The following PCDH9 variants were observed in gnomAD, a reference collection of about 807,000 sequenced individuals.
PCDH9 encodes the protein protocadherin 9, also known as protocadherin-9.
In PCDH9, 24 loss-of-function variants were observed where a neutral mutation model predicts 70.6. That is an observed-to-expected ratio of 0.34 (90% confidence interval 0.25 to 0.48). PCDH9 has a LOEUF of 0.48. Among genes scored for constraint, PCDH9 ranks in the 20% least tolerant of loss-of-function variants. The pLI, the probability that PCDH9 is intolerant of heterozygous loss-of-function variation, is 0.99. For synonymous variants in PCDH9, 562 were observed against 558.5 expected (o/e 1.01, Z -0.09); for missense variants, 1,281 against 1,503.6 (o/e 0.85, Z 2.45).
chr13:66,922,808 A>G (rs957163152), intron 2 of PCDH9, among the ~76,000 whole-genome samples: 10 of 151,496 alleles, frequency 6.6e-5, no homozygotes, highest in African/African-American at 2.2e-4. Flanking sequence ...AGAGCCAACC[A>G]CAACTTGTAT....
At chr13:66,508,416 T>C (rs1410312979) in intron 4 of PCDH9, among the ~76,000 whole-genome samples, 1 of 152,224 alleles carries the variant, frequency 6.6e-6, no homozygotes, top group Non-Finnish European at 1.5e-5. Flanking sequence ...GTTATGTGGA[T>C]TTCACTTCAA....
At chr13:66,560,968 T>A (rs1961986456) in intron 4 of PCDH9, among the ~76,000 whole-genome samples, 2 of 152,230 alleles carry the variant, frequency 1.3e-5, no homozygotes, top group South Asian at 4.1e-4. Flanking sequence ...TTGGTGGCAC[T>A]TGAGGAGCCC....
chr13:67,088,739 G>C (rs2086158918), intron 2 of PCDH9, among the ~76,000 whole-genome samples: 1 of 152,138 alleles, frequency 6.6e-6, no homozygotes, highest in East Asian at 1.9e-4. Context: ...TAAGAACTAG[G>C]TGTCCTAAGT....
At chr13:67,176,130 T>C (rs1303910087) in intron 2 of PCDH9, among the ~76,000 whole-genome samples, 2 of 152,176 alleles carry the variant, frequency 1.3e-5, no homozygotes, top group African/African-American at 2.4e-5. Context: ...TGTGTCCAAC[T>C]GGGAAAACTA....
chr13:66,862,703 T>C (rs905590461), intron 3 of PCDH9, among the ~76,000 whole-genome samples: 1 of 152,218 alleles, frequency 6.6e-6, no homozygotes, highest in African/African-American at 2.4e-5. Flanking sequence ...TTTTTCCTAA[T>C]TTACTGAATT....
chr13:66,767,695 A>C (rs989227283), intron 3 of PCDH9, among the ~76,000 whole-genome samples: 2 of 152,110 alleles, frequency 1.3e-5, no homozygotes, highest in Non-Finnish European at 2.9e-5. Flanking sequence ...GGATAGAATA[A>C]TTCTATTGAA....
chr13:67,227,593 C>G lies in PCDH9; in HGVS notation c.848G>C (p.Ser283Thr). 2 of 1,614,124 alleles carry G rather than the reference C, an allele frequency of 1.2e-6. No homozygotes were observed. Among genetic ancestry groups the G allele is most frequent in the Non-Finnish European group, 1.7e-6 (2 of 1,179,952 alleles). The change falls in exon 2 of 5, where the codon AGT (serine) becomes ACT (threonine). Residue 283 changes from serine to threonine, a missense_variant. Physicochemically the swap from Ser to Thr is moderately conservative, Grantham distance 58. Around this residue, in one of 4 missense-constraint regions of PCDH9, gnomAD observed 798 missense variants for 1,003.1 expected, o/e 0.80. Coordinates refer to ENST00000377865, the MANE Select transcript of PCDH9 (RefSeq NM_203487.3). The surrounding 1 kb of genome is among the most constrained non-coding windows in gnomAD (Gnocchi z 4.6). ...AAAAATGTACCGGATTTCAGCATTACTGCCTATATCTGCATCAGTGGCATG... is the reference window on the plus strand; with the variant it reads ...AAAAATGTACCGGATTTCAGCATTAGTGCCTATATCTGCATCAGTGGCATG... ...QLHATDADIG[S>T]NAEIRYIFGA...
At chr13:66,415,084 C>G (rs1187236697) in intron 4 of PCDH9, among the ~76,000 whole-genome samples, 2 of 151,856 alleles carry the variant, frequency 1.3e-5, no homozygotes, top group Non-Finnish European at 2.9e-5. Context: ...AGATAGAGAC[C>G]AGTATAATAC....
chr13:66,577,667 A>G (rs1005422600), intron 4 of PCDH9, among the ~76,000 whole-genome samples: 10 of 151,994 alleles, frequency 6.6e-5, no homozygotes, highest in African/African-American at 2.4e-4. Flanking sequence ...AAATAGAAGC[A>G]GCCTGGCTTA....
intron 2 of PCDH9, among the ~76,000 whole-genome samples, chr13:67,030,869 C>T (rs2084892077): frequency 6.6e-6 from 1 of 152,064 alleles, no homozygotes; most frequent in Non-Finnish European, 1.5e-5. Flanking sequence ...CACCCAAACT[C>T]CTAAAGTCAG....
intron 4 of PCDH9, among the ~76,000 whole-genome samples, chr13:66,534,431 T>G (rs1424950837): frequency 6.6e-6 from 1 of 152,060 alleles, no homozygotes; most frequent in East Asian, 1.9e-4. Context: ...GTGTGCAGAA[T>G]GCTGATTTAT....
Position 66,846,126 on chromosome 13 carries a change from A to G in PCDH9, c.3138+57378T>C, listed in dbSNP as rs76923180. Among the ~76,000 whole-genome samples the G allele has an allele frequency of 6.0e-3, 542 of 90,974 alleles. 1 individual carries two copies. The highest frequency in any genetic ancestry group is 0.036 in the East Asian group (103 of 2,862). 59.7% of individuals were successfully genotyped at this position (90,974 alleles called of 152,430 possible). A position where few individuals can be genotyped will look rare whatever the true frequency, so the allele number is the denominator to read the frequency against. ...AAACACACATAGATAATGCAGGGGG[A>G]AAAAAAGACCAAAAAAAAAAAAAAA... On this transcript the variant is annotated intron_variant, in intron 3 of 4. Transcript: ENST00000377865.
At chr13:66,811,761 TTCTC>T (rs998726628) in intron 3 of PCDH9, among the ~76,000 whole-genome samples, 8 of 149,822 alleles carry the variant, frequency 5.3e-5, no homozygotes, top group African/African-American at 1.2e-4. Flanking sequence ...TTCTTTTTCT[TTCTC>T]TCTCTCTCTC....
intron 2 of PCDH9, among the ~76,000 whole-genome samples, chr13:67,172,524 C>G (rs889177183): frequency 6.6e-6 from 1 of 151,958 alleles, no homozygotes; most frequent in Non-Finnish European, 1.5e-5. Flanking sequence ...TTTGAGGGAA[C>G]CTGAGAATTG....
At chr13:66,769,761 G>T (rs1244934706) in intron 3 of PCDH9, among the ~76,000 whole-genome samples, 1 of 152,048 alleles carries the variant, frequency 6.6e-6, no homozygotes, top group African/African-American at 2.4e-5. Context: ...CCACAGAATT[G>T]TAGAGCCTAA....
At chr13:66,415,584 C>T (rs913864044) in intron 4 of PCDH9, among the ~76,000 whole-genome samples, 3 of 152,166 alleles carry the variant, frequency 2.0e-5, no homozygotes, top group Admixed American at 6.5e-5. Context: ...TAAAGAGTGT[C>T]GTCTTACATT....
intron 3 of PCDH9, among the ~76,000 whole-genome samples, chr13:66,832,377 T>C (rs2080942644): frequency 6.6e-6 from 1 of 152,072 alleles, no homozygotes; most frequent in South Asian, 2.1e-4. Context: ...TTTAACTCTC[T>C]AAAATACCAC....
At chr13:66,755,099 A>C (rs956056565) in intron 3 of PCDH9, among the ~76,000 whole-genome samples, 5 of 148,912 alleles carry the variant, frequency 3.4e-5, no homozygotes, top group African/African-American at 1.2e-4. Context: ...TGAAAACTGC[A>C]ATGTTAAAAT....
At chr13:67,027,303 A>C (rs960194212) in intron 2 of PCDH9, among the ~76,000 whole-genome samples, 1 of 152,142 alleles carries the variant, frequency 6.6e-6, no homozygotes, top group Non-Finnish European at 1.5e-5. Flanking sequence ...TGAGAAAAAC[A>C]AGAAATGGGG....
Sources: allele counts gnomAD v4.1 joint callset (sites outside exome capture counted in the v4.1 genomes callset), GRCh38; gene constraint gnomAD v4.1.1; regional missense constraint gnomAD v4.1.1; non-coding constraint Gnocchi (gnomAD v3.1); transcripts MANE v1.5; gene names NCBI Gene and HGNC (gene_info 2026-07-23, HGNC 2026-07-21).